ASB17: variants seen among roughly 807,000 people sequenced by gnomAD.
ASB17 encodes the protein ankyrin repeat and SOCS box containing 17.
ASB17 carries 26 observed loss-of-function variants against 25.7 expected under a neutral mutation model. That is an observed-to-expected ratio of 1.01 (90% CI 0.74 to 1.40). The LOEUF (loss-of-function observed/expected upper bound fraction) is 1.40, where lower values mean the gene tolerates loss of function less well. Among genes scored for constraint, ASB17 ranks in the 40% most tolerant of loss-of-function variants. The pLI, the probability that ASB17 is intolerant of heterozygous loss-of-function variation, is 0.00. For synonymous variants in ASB17, 128 were observed against 121.4 expected, an observed-to-expected ratio of 1.05 and a Z score of -0.36; for missense variants, 326 against 338.5, an observed-to-expected ratio of 0.96 and a Z score of 0.29.
intron 1 of ASB17, among the ~76,000 whole-genome samples, chr1:75,923,727 G>T (rs1034446914): frequency 6.6e-6 from 1 of 152,140 alleles, no homozygotes; most frequent in Non-Finnish European, 1.5e-5. Flanking sequence ...AAAATGGGAG[G>T]CAGCATGGTA....
At chr1:75,921,952 G>T in intron 2 of ASB17, 128 bp downstream of exon 2, 1 of 741,010 alleles carries the variant, frequency 1.3e-6, no homozygotes, top group Non-Finnish European at 2.1e-6. Context: ...TTATTAATAG[G>T]CATATACTCA....
intron 1 of ASB17, among the ~76,000 whole-genome samples, chr1:75,926,900 G>GTGGT (rs67347562): frequency 8.5e-5 from 1 of 11,826 alleles, no homozygotes; most frequent in African/African-American, 1.8e-4. Context: ...CGATAAGCTT[G>GTGGT]TATGACCATT....
At position 75,932,391 on chromosome 1, in the gene ASB17, C is replaced by G. The variant is rs553140473; in HGVS notation, c.-100G>C. ...AATGTGGCAGGCTTTACTCCACAAA[C>G]AGAAGTGCCCTTTAAACTGTAACCA... On this transcript the variant is annotated 5_prime_UTR_variant, in exon 1 of 3. Transcript: ENST00000284142. 2 of 1,082,148 alleles carry G rather than the reference C, an allele frequency of 1.8e-6. No homozygotes were observed. Among genetic ancestry groups the G allele is most frequent in the Non-Finnish European group, 2.6e-6 (2 of 756,824 alleles). The allele number at this position is 1,082,148 out of a possible 1,614,324, so 67.0% of individuals were successfully genotyped here. A position where few individuals can be genotyped will look rare whatever the true frequency, so the allele number is the denominator to read the frequency against.
At position 75,919,128 on chromosome 1, in the gene ASB17, T is replaced by C; in HGVS notation, c.712A>G (p.Ile238Val). The stretch of plus-strand genomic sequence containing the variant: ...GGAATGTAATCAAACCAATTTGAAA[T>C]AATTGGATGTCTTCCTAAACTCAGC... ...TQLSLGRHPI[I>V]SNWFDYIPST... is the part of the protein sequence containing the mutation. Residue 238 changes from isoleucine to valine, a missense_variant, in exon 3 of 3, where the codon ATT becomes GTT. Coordinates refer to ENST00000284142, the MANE Select transcript of ASB17 (RefSeq NM_080868.3). The C allele has an allele frequency of 6.2e-7, 1 of 1,612,502 alleles. No individual in the cohort carries two copies.
chr1:75,928,566 G>A (rs867137166), intron 1 of ASB17, among the ~76,000 whole-genome samples: 1 of 152,148 alleles, frequency 6.6e-6, no homozygotes, highest in Admixed American at 6.5e-5. Flanking sequence ...TGTTGTCGAA[G>A]TAAAGAACAA....
At chr1:75,923,028 A>C (rs1370926661) in intron 1 of ASB17, among the ~76,000 whole-genome samples, 1 of 152,234 alleles carries the variant, frequency 6.6e-6, no homozygotes, top group East Asian at 1.9e-4. Context: ...AAAATGGAAA[A>C]GGAGGACAGA....
Position 75,922,488 on chromosome 1 carries a change from C to CTTTTT in ASB17, c.402-134_402-130dup, listed in dbSNP as rs3037164. On this transcript the variant is annotated intron_variant, in intron 1 of 2. Coordinates refer to ENST00000284142, the MANE Select transcript of ASB17 (RefSeq NM_080868.3). ...GTCTTAAATGTAACTTTATATGTTT[C>CTTTTT]TTTTTTTTTTTTTTTTTTTTTTTTT... 805 of 122,302 alleles carry CTTTTT rather than the reference C, an allele frequency of 6.6e-3. 43 individuals are homozygous for CTTTTT. The highest frequency in any genetic ancestry group is 0.014 in the African/African-American group (303 of 21,028). The allele number at this position is 122,302 out of a possible 1,614,324, so 7.6% of individuals were successfully genotyped here. A position where few individuals can be genotyped will look rare whatever the true frequency, so the allele number is the denominator to read the frequency against.
chr1:75,919,002 A>G lies in ASB17; in HGVS notation c.838T>C (p.Ser280Pro), dbSNP rs1370110994. The change falls in exon 3 of 3, where the codon TCA (serine) becomes CCA (proline). Residue 280 changes from serine to proline, a missense_variant. Coordinates refer to ENST00000284142, the MANE Select transcript of ASB17 (RefSeq NM_080868.3). Reference sequence around the variant, plus strand: ...TGTAGACGAGCAGGAATTAGAAGTGAAAATATTCCATCTGGGAGCATATTG... The same window carrying G: ...TGTAGACGAGCAGGAATTAGAAGTGGAAATATTCCATCTGGGAGCATATTG... ...TNNMLPDGIF[S>P]LLIPARLQNY... The G allele has an allele frequency of 6.2e-7, 1 of 1,613,104 alleles. No homozygotes were observed. The highest frequency in any genetic ancestry group is 1.7e-5 in the Admixed American group (1 of 60,018).
chr1:75,932,240 T>C lies in ASB17; in HGVS notation c.52A>G (p.Ile18Val). The change falls in exon 1 of 3, where the codon ATA becomes GTA. Residue 18 changes from isoleucine (I) to valine (V), a missense_variant. Ile to Val is a conservative substitution (Grantham distance 29). Transcript: ENST00000284142. ...ATTTTGTCAAGGAGATTGCAGAATATATTGCTTCTTGGACAAGAAGTCTTA... is the reference window on the plus strand; with the variant it reads ...ATTTTGTCAAGGAGATTGCAGAATACATTGCTTCTTGGACAAGAAGTCTTA... Reference protein sequence around the residue: ...CGKTSCPRSNIFCNLLDKIVK... With the variant: ...CGKTSCPRSNVFCNLLDKIVK... The C allele has an allele frequency of 6.2e-7, 1 of 1,613,640 alleles. No homozygotes were observed. The highest frequency in any genetic ancestry group is 8.5e-7 in the Non-Finnish European group (1 of 1,179,766).
At chr1:75,920,828 G>A (rs1653006468) in intron 2 of ASB17, among the ~76,000 whole-genome samples, 1 of 152,038 alleles carries the variant, frequency 6.6e-6, no homozygotes, top group Non-Finnish European at 1.5e-5. Flanking sequence ...AGGCCAGAGT[G>A]CAGTGGTGCG....
chr1:75,931,069 G>A (rs1653309258), intron 1 of ASB17, among the ~76,000 whole-genome samples: 1 of 152,118 alleles, frequency 6.6e-6, no homozygotes, highest in Non-Finnish European at 1.5e-5. Flanking sequence ...ATCTAAATTG[G>A]TTTAGTCTTT....
intron 1 of ASB17, among the ~76,000 whole-genome samples, chr1:75,922,912 A>G (rs544616632): frequency 6.6e-6 from 1 of 152,338 alleles, no homozygotes; most frequent in Non-Finnish European, 1.5e-5. Flanking sequence ...AAAAAAAACA[A>G]TTTATAATAT....
intron 1 of ASB17, among the ~76,000 whole-genome samples, chr1:75,926,690 T>C (rs2100613178): frequency 6.6e-6 from 1 of 152,256 alleles, no homozygotes; most frequent in Non-Finnish European, 1.5e-5. Flanking sequence ...TGGAACATAG[T>C]AGTGGAGACA....
chr1:75,931,329 G>A (rs1653316307), intron 1 of ASB17, among the ~76,000 whole-genome samples: 2 of 152,150 alleles, frequency 1.3e-5, no homozygotes, highest in Admixed American at 6.5e-5. Flanking sequence ...AAGATCCTCA[G>A]TAGTATGCAT....
chr1:75,922,488 C>CTTTTTTTATTTTTTTTTTTT (rs1653058028), intron 1 of ASB17, 129 bp from the exon 2 acceptor site: 2 of 118,088 alleles, frequency 1.7e-5, no homozygotes, highest in African/African-American at 4.8e-5. Context: ...TTATATGTTT[C>CTTTTTTTATTTTTTTTTTTT]TTTTTTTTTT....
chr1:75,930,772 CCTCT>C (rs773991072), intron 1 of ASB17, among the ~76,000 whole-genome samples: 13 of 152,016 alleles, frequency 8.6e-5, no homozygotes, highest in Non-Finnish European at 1.5e-4. Flanking sequence ...ATTCTCTCTC[CCTCT>C]GTTTGCCTCA....
At chr1:75,929,678 G>A (rs1255490982) in intron 1 of ASB17, among the ~76,000 whole-genome samples, 1 of 152,146 alleles carries the variant, frequency 6.6e-6, no homozygotes, top group Admixed American at 6.5e-5. Flanking sequence ...CAGATTATAG[G>A]AGTTGAGAGG....
At chr1:75,927,078 C>T (rs1450038314) in intron 1 of ASB17, among the ~76,000 whole-genome samples, 1 of 152,108 alleles carries the variant, frequency 6.6e-6, no homozygotes, top group Non-Finnish European at 1.5e-5. Flanking sequence ...GATGATATTA[C>T]AGTGCTAGCT....
chr1:75,931,593 A>T (rs1251443804), intron 1 of ASB17, among the ~76,000 whole-genome samples: 1 of 152,198 alleles, frequency 6.6e-6, no homozygotes, highest in Non-Finnish European at 1.5e-5. Context: ...ATAGGAGATC[A>T]TAGTATTACA....
Sources: gnomAD v4.1 joint callset for allele counts (sites outside exome capture counted in the v4.1 genomes callset) on GRCh38, gnomAD v4.1.1 for gene constraint, MANE v1.5 for transcripts, NCBI Gene and HGNC (gene_info 2026-07-23, HGNC 2026-07-21) for gene names.